Variants in LHFPL3 observed in about 807,000 individuals in gnomAD.
LHFPL3 encodes LHFPL tetraspan subfamily member 3.
A neutral mutation model predicts 19.3 loss-of-function variants in LHFPL3; 5 were observed. The observed-to-expected ratio is 0.26, with a 90% CI of 0.14 to 0.54. LHFPL3 has a LOEUF of 0.54. Ranked by LOEUF, LHFPL3 falls within the 20% of genes least tolerant of loss-of-function variation. The pLI is 0.94. For synonymous variants in LHFPL3, 133 were observed against 126.2 expected (o/e 1.05, Z -0.36); for missense variants, 249 against 307.4 (o/e 0.81, Z 1.42).
chr7:104,837,403 A>G (rs1791117347), intron 2 of LHFPL3, among the ~76,000 whole-genome samples: 1 of 152,194 alleles, frequency 6.6e-6, no homozygotes, highest in South Asian at 2.1e-4. Context: ...AGTGTAGCTT[A>G]AGTAGGTTTA....
intron 1 of LHFPL3, among the ~76,000 whole-genome samples, chr7:104,603,114 C>CT (rs1791011459): frequency 7.8e-6 from 1 of 128,544 alleles, no homozygotes; most frequent in African/African-American, 3.2e-5. Flanking sequence ...TTCTTTCTTT[C>CT]TTTCTTTCTT....
intron 1 of LHFPL3, among the ~76,000 whole-genome samples, chr7:104,528,343 G>A (rs993148047): frequency 5.9e-5 from 9 of 152,200 alleles, no homozygotes; most frequent in Non-Finnish European, 1.0e-4. Flanking sequence ...TCCCCTTGAA[G>A]TATAAACAAT....
chr7:104,735,721 G>C (rs1161857998), intron 1 of LHFPL3, among the ~76,000 whole-genome samples: 1 of 152,210 alleles, frequency 6.6e-6, no homozygotes, highest in African/African-American at 2.4e-5. Flanking sequence ...TGCACCCACT[G>C]TCTGACAAGC....
chr7:104,732,980 T>G (rs573583325), intron 1 of LHFPL3, among the ~76,000 whole-genome samples: 1 of 152,368 alleles, frequency 6.6e-6, no homozygotes, highest in African/African-American at 2.4e-5. Context: ...TTTTGTTATG[T>G]ACCCCATAGT....
chr7:104,475,020 C>T (rs1445399894), intron 1 of LHFPL3, among the ~76,000 whole-genome samples: 1 of 152,180 alleles, frequency 6.6e-6, no homozygotes, highest in African/African-American at 2.4e-5. Context: ...TGTTTTAGGC[C>T]ATGGGAGCCA....
chr7:104,850,233 C>G (rs1032903405), intron 2 of LHFPL3, among the ~76,000 whole-genome samples: 4 of 151,210 alleles, frequency 2.6e-5, no homozygotes, highest in Middle Eastern at 6.9e-3. Flanking sequence ...ACCTGGGAGG[C>G]AGAGGTTGCG....
chr7:104,586,197 G>A (rs1285652955), intron 1 of LHFPL3, among the ~76,000 whole-genome samples: 4 of 152,132 alleles, frequency 2.6e-5, no homozygotes, highest in African/African-American at 9.7e-5. Flanking sequence ...TGGAATTTGA[G>A]CCTAGGGAAA....
chr7:104,462,110 T>TG (rs1792677005), intron 1 of LHFPL3, among the ~76,000 whole-genome samples: 1 of 152,250 alleles, frequency 6.6e-6, no homozygotes, highest in South Asian at 2.1e-4. Context: ...GAAACTGTGC[T>TG]GAAGTTGTTT....
intron 1 of LHFPL3, among the ~76,000 whole-genome samples, chr7:104,499,081 C>T (rs374358100): frequency 2.0e-5 from 3 of 152,232 alleles, no homozygotes; most frequent in African/African-American, 4.8e-5. Flanking sequence ...CATTTTTACT[C>T]CAAAAGTAAT....
intron 1 of LHFPL3, among the ~76,000 whole-genome samples, chr7:104,626,413 G>T (rs1450463917): frequency 6.6e-6 from 1 of 152,150 alleles, no homozygotes; most frequent in Non-Finnish European, 1.5e-5. Flanking sequence ...TTGCATTTAA[G>T]CACTTTAGCA....
At chr7:104,587,393 G>C (rs2115605563) in intron 1 of LHFPL3, among the ~76,000 whole-genome samples, 1 of 152,310 alleles carries the variant, frequency 6.6e-6, no homozygotes, top group East Asian at 1.9e-4. Flanking sequence ...CCCTGCGATA[G>C]TTTGCTGAGA....
intron 1 of LHFPL3, among the ~76,000 whole-genome samples, chr7:104,663,062 C>A (rs1792261828): frequency 6.6e-6 from 1 of 152,140 alleles, no homozygotes; most frequent in Admixed American, 6.5e-5. Context: ...ATTTGTATGC[C>A]TATTCTGTCA....
intron 1 of LHFPL3, among the ~76,000 whole-genome samples, chr7:104,574,253 C>T (rs186796893): frequency 1.4e-4 from 22 of 152,204 alleles, no homozygotes; most frequent in African/African-American, 5.3e-4. Flanking sequence ...CTTCAATTCT[C>T]ACTGAAAAGG....
intron 1 of LHFPL3, among the ~76,000 whole-genome samples, chr7:104,532,881 T>C (rs934523835): frequency 2.0e-5 from 3 of 152,216 alleles, no homozygotes; most frequent in African/African-American, 7.2e-5. Context: ...GCAAATCTTA[T>C]GAGTTGAGTA....
intron 1 of LHFPL3, among the ~76,000 whole-genome samples, chr7:104,458,339 G>C (rs1584333346): frequency 6.6e-6 from 1 of 152,186 alleles, no homozygotes; most frequent in East Asian, 1.9e-4. Flanking sequence ...CATGTGGCTA[G>C]CCAGTTTTCC....
chr7:104,348,363 G>A (rs1261439765), intron 1 of LHFPL3, among the ~76,000 whole-genome samples: 1 of 152,184 alleles, frequency 6.6e-6, no homozygotes, highest in Non-Finnish European at 1.5e-5. Context: ...CCAGCCTGGC[G>A]ACAGAGCGAG....
intron 2 of LHFPL3, among the ~76,000 whole-genome samples, chr7:104,865,167 C>T (rs1351870714): frequency 6.6e-6 from 1 of 152,156 alleles, no homozygotes; most frequent in African/African-American, 2.4e-5. Context: ...AATCAGAGCG[C>T]CTCTCCTCCT....
At chr7:104,797,065 T>C (rs1790148348) in intron 2 of LHFPL3, 1 of 152,472 alleles carries the variant, frequency 6.6e-6, no homozygotes. Flanking sequence ...GTTTGTATTA[T>C]TTTGTTTGGC....
intron 2 of LHFPL3, chr7:104,796,799 T>C (rs1790141278): frequency 6.6e-6 from 1 of 152,662 alleles, no homozygotes; most frequent in Non-Finnish European, 1.5e-5. Flanking sequence ...AATCATTTCA[T>C]CAAGGACCTA....
Sources: allele counts gnomAD v4.1 joint callset (sites outside exome capture counted in the v4.1 genomes callset), GRCh38; gene constraint gnomAD v4.1.1; transcripts MANE v1.5; gene names NCBI Gene and HGNC (gene_info 2026-07-23, HGNC 2026-07-21).